Variants in DOCK10 observed in about 807,000 individuals in gnomAD.
The protein encoded by DOCK10 is dedicator of cytokinesis protein 10.
A neutral mutation model predicts 280.1 loss-of-function variants in DOCK10; 145 were observed. That is an observed-to-expected ratio of 0.52 (90% CI 0.45 to 0.59). The LOEUF (loss-of-function observed/expected upper bound fraction) is 0.59. Among genes scored for constraint, DOCK10 ranks in the 20% least tolerant of loss-of-function variants. DOCK10 has a pLI of 0.00. For synonymous variants in DOCK10, 915 were observed against 942.2 expected, an observed-to-expected ratio of 0.97 and a Z score of 0.53; for missense variants, 2,368 against 2,651.7, an observed-to-expected ratio of 0.89 and a Z score of 2.35.
At chr2:224,988,204 C>T (rs767753589) in intron 1 of DOCK10, among the ~76,000 whole-genome samples, 3 of 152,154 alleles carry the variant, frequency 2.0e-5, no homozygotes, top group Non-Finnish European at 4.4e-5. Context: ...AGCCCTGAAC[C>T]TCAGTCCTTA....
intron 3 of DOCK10, among the ~76,000 whole-genome samples, chr2:224,898,994 C>T (rs1372789188): frequency 6.6e-6 from 1 of 152,150 alleles, no homozygotes; most frequent in Non-Finnish European, 1.5e-5. Context: ...GGAGACAGAA[C>T]TTTCATGGTT....
At chr2:224,789,929 C>T (rs891275459) in intron 47 of DOCK10, among the ~76,000 whole-genome samples, 7 of 152,120 alleles carry the variant, frequency 4.6e-5, no homozygotes, top group Middle Eastern at 3.4e-3. Context: ...TACAGGTGCC[C>T]GCCACCACGC....
At chr2:224,798,096 C>A in intron 41 of DOCK10, 127 bp from the exon 42 acceptor site, 1 of 865,404 alleles carries the variant, frequency 1.2e-6, no homozygotes, top group Non-Finnish European at 1.8e-6. Context: ...AAGGATTGAA[C>A]AAGGAGACAC....
Position 224,844,097 on chromosome 2 carries a change from G to T in DOCK10, c.2568+656C>A, listed in dbSNP as rs143919009. ...GGGAAGGCATTGGGGATTGGACTTG[G>T]TTTTCAGGTAAAGATCTGAAGTCTG... On this transcript the variant is annotated intron_variant, in intron 22 of 55. Transcript: ENST00000258390. 5.9e-3 allele frequency among the ~76,000 whole-genome samples: 903 copies of T among 152,276 alleles called. 9 individuals are homozygous for T. The highest frequency in any genetic ancestry group is 0.019 in the African/African-American group (792 of 41,550).
chr2:224,934,469 T>C (rs965976027), intron 1 of DOCK10, among the ~76,000 whole-genome samples: 3 of 152,176 alleles, frequency 2.0e-5, no homozygotes, highest in Admixed American at 6.5e-5. Flanking sequence ...TAAAAAGAAA[T>C]AGCAATGATA....
intron 7 of DOCK10, 74 bp from the exon 8 acceptor site, chr2:224,876,295 G>A: frequency 7.5e-7 from 1 of 1,326,162 alleles, no homozygotes; most frequent in South Asian, 1.5e-5. Context: ...CATTTATGTG[G>A]GCTTGAGGTT....
At chr2:224,836,380 T>C (rs993601202) in intron 25 of DOCK10, among the ~76,000 whole-genome samples, 3 of 152,180 alleles carry the variant, frequency 2.0e-5, no homozygotes, top group Admixed American at 6.5e-5. Flanking sequence ...AATTATACAA[T>C]AGAGAAATTA....
At chr2:224,780,598 G>A (rs1165950427) in intron 50 of DOCK10, among the ~76,000 whole-genome samples, 1 of 152,024 alleles carries the variant, frequency 6.6e-6, no homozygotes, top group African/African-American at 2.4e-5. Flanking sequence ...GTGGTGGGAG[G>A]CAGGTAAAAA....
chr2:224,793,333 A>G (rs1217837251), intron 46 of DOCK10, 67 bp downstream of exon 46: 2 of 1,276,214 alleles, frequency 1.6e-6, no homozygotes, highest in African/African-American at 1.5e-5. Context: ...AAATTAATAC[A>G]TTATTTCTAT....
At chr2:224,875,989 C>T (rs1698603460) in intron 8 of DOCK10, 49 bp downstream of exon 8, 1 of 1,565,892 alleles carries the variant, frequency 6.4e-7, no homozygotes, top group Admixed American at 1.9e-5. Context: ...GAACCAAAAA[C>T]ACAGGTCACA....
chr2:224,783,334 G>A (rs1691490465), intron 50 of DOCK10, among the ~76,000 whole-genome samples: 1 of 151,550 alleles, frequency 6.6e-6, no homozygotes, highest in Admixed American at 6.6e-5. Flanking sequence ...GAGTGCAGTG[G>A]CACGATCTTG....
Position 224,924,864 on chromosome 2 carries a change from C to A in DOCK10, c.243+6685G>T, listed in dbSNP as rs114006970. Among the ~76,000 whole-genome samples, 885 of 152,190 alleles carry A rather than the reference C, an allele frequency of 5.8e-3. 13 individuals carry two copies. Among genetic ancestry groups the A allele is most frequent in the African/African-American group, 0.02 (824 of 41,518 alleles). On this transcript the variant is annotated intron_variant, in intron 2 of 55. Transcript: ENST00000258390. Reference sequence around the variant, plus strand: ...TTGTGTGCCTTTTTTTTCTAAGAAGCGTCGGCCAAAAGCATGCTGTTTAGA... The same window carrying A: ...TTGTGTGCCTTTTTTTTCTAAGAAGAGTCGGCCAAAAGCATGCTGTTTAGA...
At chr2:224,796,065 A>G (rs995070667) in intron 44 of DOCK10, among the ~76,000 whole-genome samples, 4 of 151,236 alleles carry the variant, frequency 2.6e-5, no homozygotes, top group African/African-American at 7.3e-5. Flanking sequence ...TATTATTATT[A>G]TTATTATTTT....
chr2:224,961,450 C>CTTTCTTTCTTTCTTTCTT (rs1208468082), intron 1 of DOCK10, among the ~76,000 whole-genome samples: 1 of 131,002 alleles, frequency 7.6e-6, no homozygotes, highest in Non-Finnish European at 1.6e-5. Flanking sequence ...TTCTTTCTTT[C>CTTTCTTTCTTTCTTTCTT]TTTCTTTCTT....
intron 26 of DOCK10, among the ~76,000 whole-genome samples, chr2:224,833,575 C>T (rs111688181): frequency 1.3e-3 from 197 of 152,222 alleles, no homozygotes; most frequent in Non-Finnish European, 2.3e-3. Flanking sequence ...GCACCTTCAG[C>T]ACTCACAATG....
At chr2:224,934,886 T>A (rs982108534) in intron 1 of DOCK10, among the ~76,000 whole-genome samples, 4 of 152,242 alleles carry the variant, frequency 2.6e-5, no homozygotes, top group African/African-American at 9.6e-5. Context: ...TGAATTTCAT[T>A]AGCTGTTCTA....
intron 3 of DOCK10, among the ~76,000 whole-genome samples, chr2:224,912,921 G>T (rs1209115617): frequency 6.6e-6 from 1 of 152,108 alleles, no homozygotes; most frequent in East Asian, 1.9e-4. Flanking sequence ...AACTACTTGG[G>T]AGGCTAAAGC....
At chr2:224,912,889 G>A (rs1701109580) in intron 3 of DOCK10, among the ~76,000 whole-genome samples, 1 of 152,080 alleles carries the variant, frequency 6.6e-6, no homozygotes, top group Non-Finnish European at 1.5e-5. Context: ...AGCCAGGCAT[G>A]GTGGTGGGCG....
At chr2:225,013,789 C>A (rs534503196) in intron 1 of DOCK10, among the ~76,000 whole-genome samples, 1 of 152,078 alleles carries the variant, frequency 6.6e-6, no homozygotes, top group Admixed American at 6.6e-5. Context: ...TCAGTTCAAC[C>A]ACCAGCTCTG....
Sources: allele counts gnomAD v4.1 joint callset (sites outside exome capture counted in the v4.1 genomes callset), GRCh38; gene constraint gnomAD v4.1.1; transcripts MANE v1.5; gene names NCBI Gene and HGNC (gene_info 2026-07-23, HGNC 2026-07-21).